The following SLC24A2 variants were observed in gnomAD, a reference collection of about 807,000 sequenced individuals.
SLC24A2 encodes sodium/potassium/calcium exchanger 2.
A neutral mutation model predicts 62.0 loss-of-function variants in SLC24A2; 36 were observed. That is an observed-to-expected ratio of 0.58 (90% confidence interval 0.44 to 0.77). The LOEUF (loss-of-function observed/expected upper bound fraction) is 0.77, where lower values mean the gene tolerates loss of function less well. Ranked by LOEUF, SLC24A2 falls within the 30% of genes least tolerant of loss-of-function variation. The pLI is 0.00. For missense variants in SLC24A2, 846 were observed against 817.9 expected (o/e 1.03, Z -0.42); for synonymous variants, 358 against 294.0 (o/e 1.22, Z -2.23).
the SLC24A2 span, among the ~76,000 whole-genome samples, chr9:19,941,590 T>TGTGTGTGTGTGTGTGA: frequency 2.0e-4 from 26 of 127,978 alleles, no homozygotes; most frequent in East Asian, 8.6e-4. Flanking sequence ...TGTGTGTGTG[T>TGTGTGTGTGTGTGTGA]GAGAGAGAGA....
chr9:19,817,595 G>A, the SLC24A2 span, among the ~76,000 whole-genome samples: 1 of 151,736 alleles, frequency 6.6e-6, no homozygotes. Context: ...GGCATATATA[G>A]AACACATCAG....
the SLC24A2 span, among the ~76,000 whole-genome samples, chr9:20,178,449 G>A: frequency 6.6e-6 from 1 of 152,082 alleles, no homozygotes; most frequent in African/African-American, 2.4e-5. Context: ...AACATATTCT[G>A]AAAGCTACTG....
chr9:19,826,062 TA>T, the SLC24A2 span, among the ~76,000 whole-genome samples: 1 of 148,576 alleles, frequency 6.7e-6, no homozygotes, highest in Non-Finnish European at 1.5e-5. Context: ...GGAAAATGAT[TA>T]AAACAAAATG....
intron 2 of SLC24A2, among the ~76,000 whole-genome samples, chr9:19,739,229 C>T (rs1318763441): frequency 6.6e-6 from 1 of 152,158 alleles, no homozygotes; most frequent in African/African-American, 2.4e-5. Flanking sequence ...TGGAAATATA[C>T]AAAATGCTTA....
At chr9:19,675,340 C>G (rs547713367) in intron 2 of SLC24A2, among the ~76,000 whole-genome samples, 1 of 152,082 alleles carries the variant, frequency 6.6e-6, no homozygotes, top group Non-Finnish European at 1.5e-5. Context: ...GGCCTCCTGC[C>G]AGGAGGTGGC....
rs907812822 is a variant in SLC24A2, at chr9:19,636,259, T to A, written c.931-13960A>T. ...TACTATTTAGTGCTAGGTGTCCTTT[T>A]CTTTTCTTCTCTTCTTCTCTTCTTC... On this transcript the variant is annotated intron_variant, in intron 2 of 10. Coordinates refer to ENST00000341998, the MANE Select transcript of SLC24A2 (RefSeq NM_020344.4). Among the ~76,000 whole-genome samples the A allele has an allele frequency of 3.4e-4, 18 of 52,930 alleles. No homozygotes were observed. The East Asian group carries it at 0.014, about 41-fold the overall frequency. The allele number at this position is 52,930 out of a possible 152,430, so 34.7% of individuals were successfully genotyped here. A position where few individuals can be genotyped will look rare whatever the true frequency, so the allele number is the denominator to read the frequency against.
At chr9:19,563,828 C>CCCTT (rs1432405347) in intron 7 of SLC24A2, among the ~76,000 whole-genome samples, 2 of 33,536 alleles carry the variant, frequency 6.0e-5, no homozygotes, top group African/African-American at 2.0e-4. Context: ...CTTCCTTCCT[C>CCCTT]CCTCCCTCCC....
the SLC24A2 span, among the ~76,000 whole-genome samples, chr9:20,082,923 G>GTC: frequency 2.6e-5 from 4 of 152,186 alleles, no homozygotes; most frequent in Non-Finnish European, 5.9e-5. Flanking sequence ...TATAAACAGT[G>GTC]TCTCTCTCCT....
chr9:20,048,668 G>C, the SLC24A2 span, among the ~76,000 whole-genome samples: 1 of 151,962 alleles, frequency 6.6e-6, no homozygotes. Context: ...ACCTTCAGCT[G>C]GGTGGGGAAA....
chr9:19,549,094 G>T (rs1016897804), intron 8 of SLC24A2, among the ~76,000 whole-genome samples: 18 of 152,194 alleles, frequency 1.2e-4, no homozygotes, highest in Non-Finnish European at 2.5e-4. Flanking sequence ...GTAATTTGCT[G>T]ATGTTGTTGC....
At chr9:19,643,022 G>A (rs1818548515) in intron 2 of SLC24A2, among the ~76,000 whole-genome samples, 2 of 133,648 alleles carry the variant, frequency 1.5e-5, no homozygotes, top group South Asian at 4.8e-4. Flanking sequence ...ATATCTGAAT[G>A]AATTCATCAA....
chr9:19,538,368 A>G (rs202192867), intron 8 of SLC24A2, among the ~76,000 whole-genome samples: 29 of 138,506 alleles, frequency 2.1e-4, no homozygotes, highest in East Asian at 8.4e-4. Flanking sequence ...ATTATTTTGA[A>G]ATACGTCCCA....
the SLC24A2 span, among the ~76,000 whole-genome samples, chr9:19,870,375 A>G: frequency 6.6e-6 from 1 of 152,202 alleles, no homozygotes; most frequent in South Asian, 2.1e-4. Context: ...ATGGCTGAAC[A>G]ATATTCTGTT....
At chr9:20,195,755 G>A in the SLC24A2 span, among the ~76,000 whole-genome samples, 4 of 151,820 alleles carry the variant, frequency 2.6e-5, no homozygotes, top group African/African-American at 4.8e-5. Context: ...GATATTCTCT[G>A]AAGCAAAATT....
the SLC24A2 span, among the ~76,000 whole-genome samples, chr9:20,274,680 C>T: frequency 5.9e-5 from 9 of 152,130 alleles, no homozygotes; most frequent in African/African-American, 2.2e-4. Context: ...GGCCTCCTGC[C>T]TTGTGCCTGG....
At chr9:20,186,229 G>T in the SLC24A2 span, among the ~76,000 whole-genome samples, 4 of 152,078 alleles carry the variant, frequency 2.6e-5, no homozygotes, top group Non-Finnish European at 5.9e-5. Flanking sequence ...TGTTTCTGAG[G>T]CTCATCTCTA....
intron 7 of SLC24A2, among the ~76,000 whole-genome samples, chr9:19,563,853 C>T (rs1311624539): frequency 9.8e-6 from 1 of 101,734 alleles, no homozygotes; most frequent in Non-Finnish European, 2.0e-5. Flanking sequence ...TCCCTCCCTC[C>T]CTCCCTCCCT....
At chr9:19,636,386 T>TCTTTCTTTCTTTCTTTCTTTCTCC (rs1554690439) in intron 2 of SLC24A2, among the ~76,000 whole-genome samples, 2 of 23,396 alleles carry the variant, frequency 8.5e-5, no homozygotes, top group African/African-American at 3.2e-4. Flanking sequence ...TTTCTTTCTT[T>TCTTTCTTTCTTTCTTTCTTTCTCC]CTCCCTCTCT....
At chr9:19,722,160 T>G (rs769895066) in intron 2 of SLC24A2, among the ~76,000 whole-genome samples, 1 of 152,140 alleles carries the variant, frequency 6.6e-6, no homozygotes, top group African/African-American at 2.4e-5. Context: ...ATTTAAGTAG[T>G]TCTATGTATA....
Sources: allele counts gnomAD v4.1 joint callset (sites outside exome capture counted in the v4.1 genomes callset), GRCh38; gene constraint gnomAD v4.1.1; transcripts MANE v1.5; gene names NCBI Gene and HGNC (gene_info 2026-07-23, HGNC 2026-07-21).